MCCC1: variants seen among roughly 807,000 people sequenced by gnomAD.
MCCC1 encodes methylcrotonoyl-CoA carboxylase subunit alpha, mitochondrial.
Under a neutral mutation model 83.8 loss-of-function variants are expected in MCCC1, and 64 were observed. The ratio of observed to expected loss-of-function variants is 0.76; its 90% CI spans 0.62 to 0.94. MCCC1 has a LOEUF of 0.94. MCCC1 is among the 40% of genes least tolerant of loss of function. The pLI, the probability that MCCC1 is intolerant of heterozygous loss-of-function variation, is 0.00. For missense variants in MCCC1, 807 were observed against 904.7 expected (o/e 0.89, Z 1.39); for synonymous variants, 322 against 315.4 (o/e 1.02, Z -0.22).
At chr3:183,060,553 C>A (rs1715742503) in intron 7 of MCCC1, among the ~76,000 whole-genome samples, 1 of 152,054 alleles carries the variant, frequency 6.6e-6, no homozygotes, top group Admixed American at 6.6e-5. Context: ...CCATGTTTTC[C>A]AATATGTTTG....
At chr3:183,098,399 A>T (rs564238646) in intron 1 of MCCC1, 3 of 152,378 alleles carry the variant, frequency 2.0e-5, no homozygotes, top group Admixed American at 2.0e-4. Context: ...ACCTCATTCC[A>T]TGAATTAATT....
At chr3:183,055,780 G>A (rs368539447) in intron 8 of MCCC1, among the ~76,000 whole-genome samples, 23 of 151,862 alleles carry the variant, frequency 1.5e-4, no homozygotes, top group Admixed American at 9.2e-4. Context: ...TGCACTTGTA[G>A]TCCCAAATAC....
chr3:183,032,481 A>C (rs975406736), intron 14 of MCCC1, among the ~76,000 whole-genome samples: 11 of 152,238 alleles, frequency 7.2e-5, no homozygotes, highest in African/African-American at 2.7e-4. Flanking sequence ...TTCATTATAA[A>C]GGCTTAACAA....
chr3:183,097,215 C>T (rs1718802594), intron 1 of MCCC1, among the ~76,000 whole-genome samples: 1 of 152,038 alleles, frequency 6.6e-6, no homozygotes. Flanking sequence ...AGTCCGCAGT[C>T]CGGCCTGGGC....
At chr3:183,024,618 C>CAAAAAA (rs59036126) in intron 15 of MCCC1, among the ~76,000 whole-genome samples, 3 of 148,682 alleles carry the variant, frequency 2.0e-5, no homozygotes, top group Non-Finnish European at 4.5e-5. Context: ...TATTATAAAA[C>CAAAAAA]AAAAAAAAAA....
At chr3:183,096,759 T>G (rs1195385809) in intron 1 of MCCC1, among the ~76,000 whole-genome samples, 1 of 152,200 alleles carries the variant, frequency 6.6e-6, no homozygotes, top group African/African-American at 2.4e-5. Flanking sequence ...ACCTTTCCAT[T>G]TCAGCTGATG....
At chr3:183,095,910 G>C (rs1224212524) in intron 1 of MCCC1, among the ~76,000 whole-genome samples, 1 of 152,214 alleles carries the variant, frequency 6.6e-6, no homozygotes, top group Non-Finnish European at 1.5e-5. Flanking sequence ...GTATTTTAAT[G>C]AGGTAGAAGT....
chr3:183,038,066 T>C (rs950635192), intron 12 of MCCC1, among the ~76,000 whole-genome samples: 1 of 152,208 alleles, frequency 6.6e-6, no homozygotes, highest in Non-Finnish European at 1.5e-5. Context: ...TTCCTGAGCA[T>C]CTCTTAAGTG....
At chr3:183,035,093 G>C (rs533840788) in intron 13 of MCCC1, among the ~76,000 whole-genome samples, 48 of 152,156 alleles carry the variant, frequency 3.2e-4, no homozygotes, top group African/African-American at 1.0e-3. Flanking sequence ...ATAGGCATTT[G>C]GGTGTATATC....
At chr3:183,065,608 A>G (rs150880692) in intron 7 of MCCC1, among the ~76,000 whole-genome samples, 96 of 146,446 alleles carry the variant, frequency 6.6e-4, no homozygotes, top group African/African-American at 2.2e-3. Flanking sequence ...TTGGTAAAAG[A>G]TTATAAGAAG....
chr3:183,053,392 G>C (rs1359303599), intron 8 of MCCC1, among the ~76,000 whole-genome samples: 2 of 152,132 alleles, frequency 1.3e-5, no homozygotes, highest in Non-Finnish European at 2.9e-5. Flanking sequence ...GGAGGCTGAG[G>C]TGGGAGGATC....
At chr3:183,072,140 T>A (rs1458946433) in intron 5 of MCCC1, among the ~76,000 whole-genome samples, 2 of 152,046 alleles carry the variant, frequency 1.3e-5, no homozygotes, top group Admixed American at 1.3e-4. Flanking sequence ...AGTGCTGGGA[T>A]TACAGGTGTG....
intron 4 of MCCC1, 60 bp from the exon 5 acceptor site, chr3:183,072,547 A>C (rs1414970203): frequency 6.3e-7 from 1 of 1,595,168 alleles, no homozygotes; most frequent in Non-Finnish European, 8.6e-7. Flanking sequence ...CAACACCTTA[A>C]TGCAGGTGAA....
Position 183,020,250 on chromosome 3 carries a change from A to G in MCCC1, c.1870-13T>C. 6.3e-7 allele frequency: 1 copy of G among 1,590,162 alleles called. No homozygotes were observed. The highest frequency in any genetic ancestry group is 8.6e-7 in the Non-Finnish European group (1 of 1,158,342). On this transcript the variant is annotated splice_polypyrimidine_tract_variant and intron_variant, in intron 16 of 18. Transcript: ENST00000265594. ...CAATACTTCCTTCCTAGAAACAGAAAACAAACTGAAAACCGAATCAACATC... is the reference window on the plus strand; with the variant it reads ...CAATACTTCCTTCCTAGAAACAGAAGACAAACTGAAAACCGAATCAACATC...
chr3:183,062,566 GCTGGT>G (rs1161518436), intron 7 of MCCC1, among the ~76,000 whole-genome samples: 2 of 152,092 alleles, frequency 1.3e-5, no homozygotes, highest in African/African-American at 4.8e-5. Flanking sequence ...TGTTGCCCAG[GCTGGT>G]CTCGAACTCC....
At chr3:183,046,990 G>C (rs888702572) in intron 9 of MCCC1, among the ~76,000 whole-genome samples, 2 of 152,146 alleles carry the variant, frequency 1.3e-5, no homozygotes, top group Non-Finnish European at 2.9e-5. Context: ...AGTTACAGGA[G>C]GACCTCACAC....
intron 9 of MCCC1, among the ~76,000 whole-genome samples, chr3:183,051,836 A>G (rs1715003755): frequency 6.6e-6 from 1 of 152,180 alleles, no homozygotes; most frequent in African/African-American, 2.4e-5. Context: ...CTGTAAGCTT[A>G]AAACTGCTCT....
At chr3:183,095,491 C>T (rs570933599) in intron 1 of MCCC1, among the ~76,000 whole-genome samples, 1 of 152,332 alleles carries the variant, frequency 6.6e-6, no homozygotes, top group East Asian at 1.9e-4. Context: ...AGAAAAGCTG[C>T]ATTCTCATCC....
At chr3:183,093,273 A>T (rs1231369980) in intron 2 of MCCC1, among the ~76,000 whole-genome samples, 1 of 152,216 alleles carries the variant, frequency 6.6e-6, no homozygotes, top group Non-Finnish European at 1.5e-5. Flanking sequence ...AAATTTTCAC[A>T]ATAATCCTAA....
Sources: allele counts gnomAD v4.1 joint callset (sites outside exome capture counted in the v4.1 genomes callset), GRCh38; gene constraint gnomAD v4.1.1; transcripts MANE v1.5; gene names NCBI Gene and HGNC (gene_info 2026-07-23, HGNC 2026-07-21).